The following RIMS2 variants were observed in gnomAD, a reference collection of about 807,000 sequenced individuals.
RIMS2 encodes the protein regulating synaptic membrane exocytosis 2, also known as regulating synaptic membrane exocytosis protein 2.
A neutral mutation model predicts 174.4 loss-of-function variants in RIMS2; 59 were observed. The ratio of observed to expected loss-of-function variants is 0.34; its 90% confidence interval spans 0.27 to 0.42. The LOEUF is 0.42. Ranked by LOEUF, RIMS2 falls within the 10% of genes least tolerant of loss-of-function variation. RIMS2 has a pLI of 1.00. For missense variants in RIMS2, 1,620 were observed against 1,666.3 expected, an observed-to-expected ratio of 0.97 and a Z score of 0.48; for synonymous variants, 606 against 572.5, an observed-to-expected ratio of 1.06 and a Z score of -0.84.
intron 2 of RIMS2, among the ~76,000 whole-genome samples, chr8:103,722,495 A>T (rs1242835938): frequency 6.6e-6 from 1 of 152,124 alleles, no homozygotes; most frequent in East Asian, 1.9e-4. Flanking sequence ...GCAGCACGCA[A>T]CCTAGATCCC....
At chr8:103,601,917 T>C (rs946540642) in intron 1 of RIMS2, among the ~76,000 whole-genome samples, 1 of 152,160 alleles carries the variant, frequency 6.6e-6, no homozygotes, top group African/African-American at 2.4e-5. Flanking sequence ...ACAAACAAAC[T>C]TGACAAAATC....
At chr8:103,508,752 AT>A (rs1421374797) in intron 1 of RIMS2, among the ~76,000 whole-genome samples, 31 of 152,084 alleles carry the variant, frequency 2.0e-4, no homozygotes, top group Admixed American at 1.4e-3. Context: ...TATTTAGGAG[AT>A]TCTTACAGTA....
At chr8:103,881,425 T>G (rs2099166859) in intron 3 of RIMS2, among the ~76,000 whole-genome samples, 1 of 151,502 alleles carries the variant, frequency 6.6e-6, no homozygotes, top group Admixed American at 6.6e-5. Flanking sequence ...CTGTAAATAT[T>G]AAAATGGAAG....
At chr8:103,900,819 C>A (rs2099324182) in intron 4 of RIMS2, among the ~76,000 whole-genome samples, 1 of 152,098 alleles carries the variant, frequency 6.6e-6, no homozygotes, top group African/African-American at 2.4e-5. Flanking sequence ...TCACAGGATT[C>A]CATGTCTGAA....
At chr8:104,140,566 AGATAATTAGAAAT>A (rs2098557292) in intron 19 of RIMS2, among the ~76,000 whole-genome samples, 1 of 152,208 alleles carries the variant, frequency 6.6e-6, no homozygotes, top group African/African-American at 2.4e-5. Context: ...ACCTCTAGGT[AGATAATTAGAAAT>A]GGATACTTGC....
At chr8:103,725,955 C>T (rs778353064) in intron 2 of RIMS2, among the ~76,000 whole-genome samples, 2 of 152,068 alleles carry the variant, frequency 1.3e-5, no homozygotes, top group Non-Finnish European at 2.9e-5. Flanking sequence ...ATTTATATCA[C>T]GTCTTTTGAG....
At chr8:103,579,276 CACACACACACACAG>C (rs1190727025) in intron 1 of RIMS2, among the ~76,000 whole-genome samples, 151 of 151,132 alleles carry the variant, frequency 1.0e-3, no homozygotes, top group African/African-American at 3.5e-3. Flanking sequence ...CACACACAGA[CACACACACACACAG>C]ACACACACAC....
At chr8:104,057,603 ACATGTG>A (rs1255874039) in intron 19 of RIMS2, among the ~76,000 whole-genome samples, 1 of 151,532 alleles carries the variant, frequency 6.6e-6, no homozygotes, top group Non-Finnish European at 1.5e-5. Context: ...GTTTTAGGGT[ACATGTG>A]CACAATGTGC....
At chr8:103,975,382 T>C in exon 16 of RIMS2, 1 of 1,613,028 alleles carries the variant, frequency 6.2e-7, no homozygotes, top group African/African-American at 1.3e-5. Context: ...TCTTCAAAGC[T>C]CAACATTATC....
At chr8:104,227,202 C>T (rs2099193221) in intron 19 of RIMS2, among the ~76,000 whole-genome samples, 1 of 127,746 alleles carries the variant, frequency 7.8e-6, no homozygotes, top group Non-Finnish European at 1.6e-5. Flanking sequence ...TTTTTGTATA[C>T]TTGGAGCTCT....
intron 3 of RIMS2, among the ~76,000 whole-genome samples, chr8:103,812,343 T>TG (rs1378978687): frequency 0.012 from 1,660 of 140,196 alleles, 23 homozygotes; most frequent in African/African-American, 0.016. Flanking sequence ...TTTTTTTTTT[T>TG]TTTTTTTTTT....
At chr8:103,799,517 T>C (rs1205684081) in intron 3 of RIMS2, among the ~76,000 whole-genome samples, 1 of 152,188 alleles carries the variant, frequency 6.6e-6, no homozygotes, top group African/African-American at 2.4e-5. Flanking sequence ...AGGGTATGTA[T>C]ACTTTATTTC....
At chr8:103,889,120 A>G (rs1295062697) in intron 4 of RIMS2, among the ~76,000 whole-genome samples, 2 of 151,682 alleles carry the variant, frequency 1.3e-5, no homozygotes, top group Non-Finnish European at 3.0e-5. Flanking sequence ...AAAATTGGCA[A>G]TTTGATTTGG....
intron 1 of RIMS2, among the ~76,000 whole-genome samples, chr8:103,508,371 G>A (rs1186402567): frequency 6.6e-6 from 1 of 151,364 alleles, no homozygotes; most frequent in African/African-American, 2.4e-5. Flanking sequence ...CTCAAATGAT[G>A]AGTAGATGTT....
At chr8:104,022,640 C>T (rs1385725337) in intron 19 of RIMS2, among the ~76,000 whole-genome samples, 1 of 152,154 alleles carries the variant, frequency 6.6e-6, no homozygotes, top group East Asian at 1.9e-4. Flanking sequence ...CTCGTCTCGG[C>T]CTCCCAAAGT....
rs184863916 is a variant in RIMS2, at chr8:103,800,762, G to A, written c.698+34225G>A. ...TTTGTTTGAAATTTTTACAATTTAT[G>A]TTCATGAGGGAGAGTTGTATGTAGT... On this transcript the variant is annotated intron_variant, in intron 3 of 23. Transcript: ENST00000504942. Among the ~76,000 whole-genome samples, 5 of 152,202 alleles carry A rather than the reference G, an allele frequency of 3.3e-5. No homozygotes were observed. The East Asian group carries it at 7.7e-4, about 24-fold the overall frequency.
At chr8:103,608,568 T>C (rs937341426) in intron 1 of RIMS2, among the ~76,000 whole-genome samples, 8 of 145,428 alleles carry the variant, frequency 5.5e-5, no homozygotes, top group Admixed American at 2.0e-4. Context: ...GCCTGGGCAA[T>C]GGTGGGCGCC....
chr8:103,952,385 C>T (rs1489299321), intron 14 of RIMS2, among the ~76,000 whole-genome samples: 1 of 152,116 alleles, frequency 6.6e-6, no homozygotes, highest in African/African-American at 2.4e-5. Flanking sequence ...GGTGGGTGCC[C>T]CTCTGGGACA....
intron 1 of RIMS2, among the ~76,000 whole-genome samples, chr8:103,686,136 G>A (rs957630977): frequency 4.0e-5 from 6 of 151,714 alleles, no homozygotes; most frequent in Non-Finnish European, 7.4e-5. Flanking sequence ...ATTGTTCATT[G>A]CTACTAAATA....
Sources: allele counts gnomAD v4.1 joint callset (sites outside exome capture counted in the v4.1 genomes callset), GRCh38; gene constraint gnomAD v4.1.1; transcripts MANE v1.5; gene names NCBI Gene and HGNC (gene_info 2026-07-23, HGNC 2026-07-21).